Variants in KIAA0753 observed in about 807,000 individuals in gnomAD.
KIAA0753 encodes the protein KIAA0753.
Under a neutral mutation model 116.9 loss-of-function variants are expected in KIAA0753, and 114 were observed. The observed-to-expected ratio is 0.98, with a 90% CI of 0.84 to 1.14. KIAA0753 has a LOEUF of 1.14. Ranked by LOEUF, KIAA0753 falls within the 50% of genes most tolerant of loss-of-function variation. The pLI is 0.00. For synonymous variants in KIAA0753, 405 were observed against 413.1 expected, an observed-to-expected ratio of 0.98 and a Z score of 0.24; for missense variants, 1,156 against 1,172.4, an observed-to-expected ratio of 0.99 and a Z score of 0.20.
Position 6,610,013 on chromosome 17 carries a change from G to T in KIAA0753, c.1693C>A (p.Pro565Thr), listed in dbSNP as rs1319494247. The part of the protein sequence containing the change: ...APWIPPNPTS[P>T]PASPKCAAWL... ...ACATACCATTTAGGAGACGCTGGTG[G>T]GGATGTGGGGTTTGGGGGTATCCAT... Residue 565 changes from proline (P) to threonine (T), a missense_variant, in exon 9 of 19, where the codon CCA becomes ACA. Pro to Thr is a conservative substitution (Grantham distance 38). Transcript: ENST00000361413. 11 of 1,613,890 alleles carry T rather than the reference G, an allele frequency of 6.8e-6. No homozygotes were observed. Among genetic ancestry groups the T allele is most frequent in the Non-Finnish European group, 9.3e-6 (11 of 1,179,932 alleles).
At position 6,623,557 on chromosome 17, in the gene KIAA0753, C is replaced by T. The variant is rs778860795; in HGVS notation, c.840G>A (p.Gln280=). The change falls in exon 5 of 19, where the codon CAG becomes CAA. Residue 280 remains glutamine (Q), a synonymous_variant. Transcript: ENST00000361413. ...YVLQQQVKEI[Q]EELDKLSPHK... is the part of the protein sequence containing the mutation. ...GTGGACTCAATTTATCCAATTCTTC[C>T]TGGATTTCTTTTACCTGTTTTGTAA... 1.1e-5 allele frequency: 17 copies of T among 1,610,016 alleles called. No homozygotes were observed. In the Admixed American group the frequency reaches 2.9e-4, roughly 27 times the overall value.
chr17:6,588,215 T>A (rs1200982439), intron 18 of KIAA0753, among the ~76,000 whole-genome samples: 1 of 152,200 alleles, frequency 6.6e-6, no homozygotes, highest in African/African-American at 2.4e-5. Flanking sequence ...CCAGTAATTT[T>A]AAATTCAGCC....
At chr17:6,628,869 T>C (rs1971851830) in intron 2 of KIAA0753, 128 bp from the exon 3 acceptor site, 2 of 872,186 alleles carry the variant, frequency 2.3e-6, no homozygotes, top group South Asian at 1.8e-5. Flanking sequence ...TTTTTCTGTT[T>C]TACTGATAGA....
Position 6,612,152 on chromosome 17 carries a change from C to G in KIAA0753, c.1316-4G>C. On this transcript the variant is annotated splice_region_variant and splice_polypyrimidine_tract_variant and intron_variant, in intron 7 of 18. Coordinates refer to ENST00000361413, the MANE Select transcript of KIAA0753 (RefSeq NM_014804.3). Reference sequence around the variant, plus strand: ...TCCGTATCGGGCTGATACTTATCTACATGGAAATTTTTGAAAAACAAACTG... The same window carrying G: ...TCCGTATCGGGCTGATACTTATCTAGATGGAAATTTTTGAAAAACAAACTG... The G allele has an allele frequency of 6.3e-7, 1 of 1,595,214 alleles. No homozygotes were observed. The highest frequency in any genetic ancestry group is 8.5e-7 in the Non-Finnish European group (1 of 1,172,434).
At chr17:6,587,318 A>G (rs1006796810) in intron 18 of KIAA0753, among the ~76,000 whole-genome samples, 13 of 152,200 alleles carry the variant, frequency 8.5e-5, no homozygotes, top group African/African-American at 3.1e-4. Flanking sequence ...CTTGGGGTCA[A>G]AGAACAGCAG....
intron 18 of KIAA0753, among the ~76,000 whole-genome samples, chr17:6,583,491 C>A (rs1022671361): frequency 6.6e-6 from 1 of 152,120 alleles, no homozygotes; most frequent in African/African-American, 2.4e-5. Flanking sequence ...ACACGTTAGA[C>A]CTTCTTACCT....
chr17:6,635,913 A>C (rs1157370153), intron 1 of KIAA0753: 2 of 152,224 alleles, frequency 1.3e-5, no homozygotes, highest in African/African-American at 2.4e-5. Context: ...TCACATGTAC[A>C]TGTCTCATCT....
chr17:6,593,751 G>A lies in KIAA0753; in HGVS notation c.2440+1221C>T, dbSNP rs146724451. Among the ~76,000 whole-genome samples the A allele has an allele frequency of 5.4e-3, 820 of 152,302 alleles. 6 individuals are homozygous for A. Among genetic ancestry groups the A allele is most frequent in the African/African-American group, 0.019 (781 of 41,562 alleles). On this transcript the variant is annotated intron_variant, in intron 16 of 18. Transcript: ENST00000361413. ...ATTAAAAAATTAGCTGGGCGTGGTG[G>A]CACACACCTGTAGTCCCAGCTACTT...
At chr17:6,612,205 T>C in intron 7 of KIAA0753, 57 bp from the exon 8 acceptor site, 1 of 1,286,320 alleles carries the variant, frequency 7.8e-7, no homozygotes, top group Non-Finnish European at 1.1e-6. Context: ...ATCAAATTGC[T>C]GAGAATGATT....
chr17:6,612,156 GA>G lies in KIAA0753; in HGVS notation c.1316-9del. 1 of 1,588,192 alleles carries G rather than the reference GA, an allele frequency of 6.3e-7. No homozygotes were observed. Among genetic ancestry groups the G allele is most frequent in the Non-Finnish European group, 8.6e-7 (1 of 1,166,152 alleles). ...TATCGGGCTGATACTTATCTACATG[GA>G]AATTTTTGAAAAACAAACTGAGGAA... On this transcript the variant is annotated splice_polypyrimidine_tract_variant and intron_variant, in intron 7 of 18. Transcript: ENST00000361413.
intron 18 of KIAA0753, among the ~76,000 whole-genome samples, chr17:6,585,509 C>T (rs1018856470): frequency 6.6e-6 from 1 of 152,202 alleles, no homozygotes; most frequent in African/African-American, 2.4e-5. Flanking sequence ...TCCAGTGATT[C>T]AGATGTTGAA....
chr17:6,580,696 T>A (rs910771236), intron 18 of KIAA0753, among the ~76,000 whole-genome samples: 4 of 152,092 alleles, frequency 2.6e-5, no homozygotes, highest in Admixed American at 6.5e-5. Context: ...GATCCCAAAG[T>A]CCTGCTAGAG....
intron 7 of KIAA0753, among the ~76,000 whole-genome samples, chr17:6,618,450 G>A (rs1204274371): frequency 1.3e-5 from 2 of 152,226 alleles, no homozygotes; most frequent in Non-Finnish European, 2.9e-5. Context: ...GGTGTCTGAA[G>A]CTGGGGTCTC....
At chr17:6,634,002 T>C (rs952726513) in intron 2 of KIAA0753, among the ~76,000 whole-genome samples, 2 of 151,722 alleles carry the variant, frequency 1.3e-5, no homozygotes, top group Non-Finnish European at 2.9e-5. Context: ...TCAGCAAATG[T>C]GAAAAGATGT....
intron 18 of KIAA0753, among the ~76,000 whole-genome samples, chr17:6,582,514 C>A (rs1597448737): frequency 6.6e-6 from 1 of 152,340 alleles, no homozygotes; most frequent in East Asian, 1.9e-4. Flanking sequence ...CCTATTCCTT[C>A]TACCCCATTC....
Position 6,596,164 on chromosome 17 carries a change from C to T in KIAA0753, c.2352G>A (p.Glu784=). 1 of 1,613,290 alleles carries T rather than the reference C, an allele frequency of 6.2e-7. No individual in the cohort carries two copies. Among genetic ancestry groups the T allele is most frequent in the Non-Finnish European group, 8.5e-7 (1 of 1,179,300 alleles). Residue 784 remains glutamate, a synonymous_variant, in exon 15 of 19, where the codon GAG becomes GAA. Coordinates refer to ENST00000361413, the MANE Select transcript of KIAA0753 (RefSeq NM_014804.3). Reference sequence around the variant, plus strand: ...CCGGAGCCCCAGACCTTACTTCCATCTCTTCCATTCGGCGCATCATGATCT... The same window carrying T: ...CCGGAGCCCCAGACCTTACTTCCATTTCTTCCATTCGGCGCATCATGATCT... ...DLEIMMRRME[E]MEKYQESVRQ... is the part of the protein sequence containing the mutation.
At chr17:6,585,033 A>G (rs926078533) in intron 18 of KIAA0753, among the ~76,000 whole-genome samples, 4 of 152,134 alleles carry the variant, frequency 2.6e-5, no homozygotes, top group Non-Finnish European at 5.9e-5. Flanking sequence ...GGCTCAAGCA[A>G]TCCTCCTGCC....
intron 18 of KIAA0753, among the ~76,000 whole-genome samples, chr17:6,583,693 A>G (rs1166497451): frequency 6.6e-6 from 1 of 152,120 alleles, no homozygotes; most frequent in African/African-American, 2.4e-5. Flanking sequence ...TAGAATGTCC[A>G]TTTGGATTTT....
chr17:6,586,510 T>C (rs1246673669), intron 18 of KIAA0753, among the ~76,000 whole-genome samples: 4 of 152,192 alleles, frequency 2.6e-5, no homozygotes, highest in Non-Finnish European at 5.9e-5. Flanking sequence ...GGCTTCCAAA[T>C]TTTTATTGAT....
Sources: allele counts gnomAD v4.1 joint callset (sites outside exome capture counted in the v4.1 genomes callset), GRCh38; gene constraint gnomAD v4.1.1; transcripts MANE v1.5; gene names NCBI Gene and HGNC (gene_info 2026-07-23, HGNC 2026-07-21).